The following HSF5 variants were observed in gnomAD, a reference collection of about 807,000 sequenced individuals.
HSF5 encodes the protein heat shock transcription factor 5.
Under a neutral mutation model 50.8 loss-of-function variants are expected in HSF5, and 5 were observed. The observed-to-expected ratio is 0.10, with a 90% CI of 0.05 to 0.21. The LOEUF is 0.21. Among genes scored for constraint, HSF5 ranks in the 10% least tolerant of loss-of-function variants. The pLI, the probability that HSF5 is intolerant of heterozygous loss-of-function variation, is 1.00. For missense variants in HSF5, 564 were observed against 762.6 expected, an observed-to-expected ratio of 0.74 and a Z score of 3.07; for synonymous variants, 307 against 307.4, an observed-to-expected ratio of 1.00 and a Z score of 0.02.
chr17:58,466,956 T>G lies in HSF5; in HGVS notation c.949A>C (p.Thr317Pro), dbSNP rs1974876158. The change falls in exon 3 of 6, where the codon ACC becomes CCC. Residue 317 changes from threonine (T) to proline (P), a missense_variant. Coordinates refer to ENST00000323777, the MANE Select transcript of HSF5 (RefSeq NM_001080439.3). Reference sequence around the variant, plus strand: ...CAACTACTTAGAGCATCCATGTGGGTAGGAGAACAGCACTGTAGCACAGCT... The same window carrying G: ...CAACTACTTAGAGCATCCATGTGGGGAGGAGAACAGCACTGTAGCACAGCT... ...PTAVLQCCSP[T>P]HMDALSSCVT... The G allele has an allele frequency of 1.2e-6, 2 of 1,610,860 alleles. No individual in the cohort carries two copies. Among genetic ancestry groups the G allele is most frequent in the East Asian group, 4.5e-5 (2 of 44,840 alleles).
chr17:58,449,851 G>A (rs1387814660), intron 5 of HSF5, among the ~76,000 whole-genome samples: 1 of 150,028 alleles, frequency 6.7e-6, no homozygotes, highest in African/African-American at 2.5e-5. Context: ...GTGAAACCCC[G>A]TCTCTACTAA....
At chr17:58,479,167 A>G (rs1241388555) in intron 2 of HSF5, among the ~76,000 whole-genome samples, 1 of 152,046 alleles carries the variant, frequency 6.6e-6, no homozygotes. Context: ...ATTAAATATC[A>G]TTACTGAGAT....
At chr17:58,442,231 A>G (rs896764646) in intron 5 of HSF5, among the ~76,000 whole-genome samples, 20 of 152,242 alleles carry the variant, frequency 1.3e-4, no homozygotes, top group African/African-American at 4.8e-4. Flanking sequence ...AGGTGGGTAC[A>G]TGGTCACCTA....
chr17:58,480,386 T>C, intron 1 of HSF5, 119 bp from the exon 2 acceptor site: 1 of 905,842 alleles, frequency 1.1e-6, no homozygotes, highest in Non-Finnish European at 1.5e-6. Flanking sequence ...ACAACAGAAG[T>C]TTAGGTTTGG....
At chr17:58,480,762 G>GCTATCTTTCTAT (rs1555644447) in intron 1 of HSF5, among the ~76,000 whole-genome samples, 1 of 146,374 alleles carries the variant, frequency 6.8e-6, no homozygotes, top group Non-Finnish European at 1.5e-5. Flanking sequence ...AACGCTCTTT[G>GCTATCTTTCTAT]CTATCTATCT....
intron 5 of HSF5, among the ~76,000 whole-genome samples, chr17:58,456,117 ATATATATATATATGTGTGTGTG>A (rs1432736378): frequency 1.4e-4 from 21 of 145,686 alleles, no homozygotes; most frequent in Admixed American, 1.4e-3. Flanking sequence ...AAAATGTGAT[ATATATATATATATGTGTGTGTG>A]TATATATATA....
intron 5 of HSF5, among the ~76,000 whole-genome samples, chr17:58,443,064 C>T (rs998763764): frequency 2.6e-5 from 4 of 152,028 alleles, no homozygotes; most frequent in African/African-American, 7.2e-5. Flanking sequence ...CCCACCACCA[C>T]GCCCGGCTAA....
At chr17:58,433,964 A>C (rs1376052944) in intron 5 of HSF5, among the ~76,000 whole-genome samples, 3 of 128,020 alleles carry the variant, frequency 2.3e-5, no homozygotes, top group Non-Finnish European at 4.7e-5. Flanking sequence ...CCCAGGCTGA[A>C]GTGCAGTGGC....
At chr17:58,463,767 G>C (rs1450149792) in intron 3 of HSF5, among the ~76,000 whole-genome samples, 1 of 152,166 alleles carries the variant, frequency 6.6e-6, no homozygotes, top group Non-Finnish European at 1.5e-5. Context: ...CTAATATTCT[G>C]TTCCAAATAA....
Position 58,486,729 on chromosome 17 carries a change from C to T in HSF5, c.550+996G>A, listed in dbSNP as rs72826351. 3.7e-3 allele frequency among the ~76,000 whole-genome samples: 556 copies of T among 152,158 alleles called. 4 individuals carry two copies. The highest frequency in any genetic ancestry group is 6.1e-3 in the Non-Finnish European group (417 of 68,002). On this transcript the variant is annotated intron_variant, in intron 1 of 5. Transcript: ENST00000323777. ...TCTTAAGGTATATAAACAACGTCTA[C>T]CATTCTACACATTAACCAGAACCTT...
Position 58,482,059 on chromosome 17 carries a change from C to T in HSF5, c.551-1792G>A, listed in dbSNP as rs537081275. On this transcript the variant is annotated intron_variant, in intron 1 of 5. Transcript: ENST00000323777. ...GTTCAAGGTTACAGTGAACTATGAT[C>T]GTGCCACTGCACTCCAGCCTGGATG... Among the ~76,000 whole-genome samples, 16 of 152,120 alleles carry T rather than the reference C, an allele frequency of 1.1e-4. No individual in the cohort carries two copies. The South Asian group carries it at 3.1e-3, about 30-fold the overall frequency.
At chr17:58,476,894 G>T in intron 2 of HSF5, 2 of 1,091,994 alleles carry the variant, frequency 1.8e-6, no homozygotes, top group Non-Finnish European at 1.4e-6. Flanking sequence ...GGTCTCGTCG[G>T]CCCTGTAGTG....
intron 5 of HSF5, among the ~76,000 whole-genome samples, chr17:58,454,771 G>C (rs1395865844): frequency 6.6e-6 from 1 of 152,120 alleles, no homozygotes; most frequent in East Asian, 1.9e-4. Context: ...CTTAACCAAG[G>C]AGGTGAATTA....
At chr17:58,468,912 T>A (rs1452001010) in intron 2 of HSF5, among the ~76,000 whole-genome samples, 1 of 152,132 alleles carries the variant, frequency 6.6e-6, no homozygotes, top group Non-Finnish European at 1.5e-5. Context: ...TCATTTCCAA[T>A]ACAGGTTAGC....
chr17:58,458,688 G>A, intron 5 of HSF5, 80 bp downstream of exon 5: 11 of 1,157,892 alleles, frequency 9.5e-6, no homozygotes, highest in Non-Finnish European at 1.2e-5. Flanking sequence ...AATAAATGGA[G>A]ACCCAGAAAA....
At chr17:58,461,576 A>T (rs1974794397) in intron 4 of HSF5, among the ~76,000 whole-genome samples, 1 of 152,190 alleles carries the variant, frequency 6.6e-6, no homozygotes, top group Non-Finnish European at 1.5e-5. Flanking sequence ...ACACAAAAAA[A>T]GATTTTAATT....
At chr17:58,470,653 C>T (rs1180133401) in intron 2 of HSF5, among the ~76,000 whole-genome samples, 6 of 152,128 alleles carry the variant, frequency 3.9e-5, no homozygotes, top group Admixed American at 6.5e-5. Context: ...CTTGGATGGG[C>T]GCAGTGGCTC....
chr17:58,485,583 C>T (rs1170848398), intron 1 of HSF5, among the ~76,000 whole-genome samples: 1 of 150,790 alleles, frequency 6.6e-6, no homozygotes, highest in Non-Finnish European at 1.5e-5. Flanking sequence ...CCTGTATCCA[C>T]CAAAAATACA....
chr17:58,451,322 G>A (rs1407462372), intron 5 of HSF5, among the ~76,000 whole-genome samples: 1 of 152,158 alleles, frequency 6.6e-6, no homozygotes, highest in African/African-American at 2.4e-5. Context: ...AGTTAACTGT[G>A]CTTTAGACCT....
Sources: allele counts gnomAD v4.1 joint callset (sites outside exome capture counted in the v4.1 genomes callset), GRCh38; gene constraint gnomAD v4.1.1; transcripts MANE v1.5; gene names NCBI Gene and HGNC (gene_info 2026-07-23, HGNC 2026-07-21).